Variants in SEL1L3 observed in about 807,000 individuals in gnomAD.
SEL1L3 encodes protein sel-1 homolog 3.
In SEL1L3, 76 loss-of-function variants were observed where a neutral mutation model predicts 142.8. That is an observed-to-expected ratio of 0.53 (90% CI 0.44 to 0.64). The LOEUF is 0.64. SEL1L3 is among the 30% of genes least tolerant of loss of function. The pLI, the probability that SEL1L3 is intolerant of heterozygous loss-of-function variation, is 0.00. For missense variants in SEL1L3, 1,262 were observed against 1,381.7 expected (o/e 0.91, Z 1.37); for synonymous variants, 504 against 519.6 (o/e 0.97, Z 0.41).
intron 2 of SEL1L3, among the ~76,000 whole-genome samples, chr4:25,845,013 T>C (rs1716416910): frequency 9.0e-6 from 1 of 110,702 alleles, no homozygotes; most frequent in East Asian, 2.6e-4. Context: ...GTTATTAAAA[T>C]GTAGGTTAAA....
chr4:25,739,320 G>A, the SEL1L3 span, among the ~76,000 whole-genome samples: 1 of 152,168 alleles, frequency 6.6e-6, no homozygotes, highest in Middle Eastern at 3.2e-3. Flanking sequence ...CCATAGAGAT[G>A]TTGCTAAACA....
intron 14 of SEL1L3, 149 bp downstream of exon 14, chr4:25,784,079 G>C (rs1711612960): frequency 2.9e-6 from 2 of 692,348 alleles, no homozygotes; most frequent in Admixed American, 2.2e-5. Flanking sequence ...ACTGCAGTGG[G>C]GGTGCCGTGC....
chr4:25,833,646 A>G (rs1226907896), intron 3 of SEL1L3, 77 bp from the exon 4 acceptor site: 1 of 1,307,842 alleles, frequency 7.6e-7, no homozygotes, highest in Non-Finnish European at 1.0e-6. Flanking sequence ...ACAATGACCA[A>G]GTAAATTGCT....
chr4:25,861,515 A>T (rs555311503), intron 1 of SEL1L3, among the ~76,000 whole-genome samples: 7 of 152,350 alleles, frequency 4.6e-5, no homozygotes, highest in Admixed American at 4.6e-4. Flanking sequence ...TTTCTTCAGA[A>T]TCAAATTCTA....
At chr4:25,823,994 G>A (rs558233205) in intron 6 of SEL1L3, among the ~76,000 whole-genome samples, 14 of 152,244 alleles carry the variant, frequency 9.2e-5, no homozygotes, top group African/African-American at 2.7e-4. Flanking sequence ...CAGCAACATC[G>A]AACGTCTAGA....
intron 9 of SEL1L3, among the ~76,000 whole-genome samples, chr4:25,805,897 A>G (rs527439418): frequency 1.3e-5 from 2 of 152,376 alleles, no homozygotes; most frequent in South Asian, 4.1e-4. Flanking sequence ...GTACATGTAA[A>G]TAACGTTGAT....
intron 11 of SEL1L3, among the ~76,000 whole-genome samples, chr4:25,798,806 T>A (rs1044159769): frequency 6.6e-6 from 1 of 151,564 alleles, no homozygotes; most frequent in Non-Finnish European, 1.5e-5. Flanking sequence ...CCAGCCTGGG[T>A]GATAAGAGTG....
the SEL1L3 span, among the ~76,000 whole-genome samples, chr4:25,730,173 A>C: frequency 1.3e-5 from 2 of 151,834 alleles, no homozygotes; most frequent in Non-Finnish European, 2.9e-5. Flanking sequence ...ACCTCAAGTG[A>C]CCCGCCCACC....
the SEL1L3 span, among the ~76,000 whole-genome samples, chr4:25,735,195 C>G: frequency 6.6e-6 from 1 of 152,026 alleles, no homozygotes; most frequent in Non-Finnish European, 1.5e-5. Context: ...ATAGGCTAGT[C>G]AAGCTATCTA....
At chr4:25,784,344 C>G in intron 13 of SEL1L3, 54 bp from the exon 14 acceptor site, 1 of 1,303,470 alleles carries the variant, frequency 7.7e-7, no homozygotes, top group Non-Finnish European at 1.1e-6. Flanking sequence ...AGACTGCACA[C>G]ATACAGACAC....
At chr4:25,770,774 GAAAA>G (rs1266991971) in intron 17 of SEL1L3, among the ~76,000 whole-genome samples, 25 of 144,752 alleles carry the variant, frequency 1.7e-4, no homozygotes, top group African/African-American at 6.4e-4. Flanking sequence ...GAAAAGAAAA[GAAAA>G]AAAAGAAAAA....
Position 25,749,368 on chromosome 4 carries a change from T to C in SEL1L3, c.3260-804A>G, listed in dbSNP as rs1717441759. Among the ~76,000 whole-genome samples the C allele has an allele frequency of 2.0e-5, 3 of 151,878 alleles. No individual in the cohort carries two copies. The South Asian group carries it at 6.2e-4, about 31-fold the overall frequency. On this transcript the variant is annotated intron_variant, in intron 23 of 23. Transcript: ENST00000399878. ...GATAAATCAGCAATGAGTTTTCTGA[T>C]TTAAAAAAAAAAAGTGCCAATGTGT...
chr4:25,799,156 C>G (rs996726301), intron 11 of SEL1L3, among the ~76,000 whole-genome samples: 2 of 152,134 alleles, frequency 1.3e-5, no homozygotes, highest in Non-Finnish European at 2.9e-5. Context: ...CTCACTACAG[C>G]CTCCGCCTCC....
At chr4:25,741,318 C>T in the SEL1L3 span, among the ~76,000 whole-genome samples, 61 of 152,028 alleles carry the variant, frequency 4.0e-4, no homozygotes, top group African/African-American at 1.4e-3. Flanking sequence ...CTAGGCTGGT[C>T]TCGAACTCCT....
At position 25,782,572 on chromosome 4, in the gene SEL1L3, T is replaced by G. The variant is rs143538486; in HGVS notation, c.2281-154A>C. ...ATGGCATTAAAGAAAAGCTAAGTGC[T>G]AGAAAACACAAGCCTGCCTGAGAGT... On this transcript the variant is annotated intron_variant, in intron 14 of 23. Coordinates refer to ENST00000399878, the MANE Select transcript of SEL1L3 (RefSeq NM_015187.5). 1.1e-4 allele frequency among the ~76,000 whole-genome samples: 16 copies of G among 152,288 alleles called. No individual in the cohort carries two copies. In the East Asian group the frequency reaches 3.1e-3, roughly 29 times the overall value.
At chr4:25,818,372 A>AAGAGGC in intron 8 of SEL1L3, 94 bp from the exon 9 acceptor site, 1 of 1,088,540 alleles carries the variant, frequency 9.2e-7, no homozygotes, top group African/African-American at 1.6e-5. Context: ...AACTAGAAAG[A>AAGAGGC]CTTGCCATTA....
chr4:25,764,644 T>C (rs1487757461), intron 20 of SEL1L3, among the ~76,000 whole-genome samples: 1 of 152,070 alleles, frequency 6.6e-6, no homozygotes, highest in Non-Finnish European at 1.5e-5. Context: ...ACCTGGTGAG[T>C]GAGTTTGATG....
chr4:25,790,398 T>C, intron 12 of SEL1L3, 57 bp downstream of exon 12: 1 of 1,561,996 alleles, frequency 6.4e-7, no homozygotes, highest in East Asian at 2.2e-5. Flanking sequence ...ATTACCACGG[T>C]ATAACCCAGT....
intron 2 of SEL1L3, among the ~76,000 whole-genome samples, chr4:25,836,133 T>C (rs545545137): frequency 2.0e-5 from 3 of 152,324 alleles, no homozygotes; most frequent in East Asian, 1.9e-4. Context: ...TACCTTAACA[T>C]TGGAAAGTCT....
Sources: allele counts gnomAD v4.1 joint callset (sites outside exome capture counted in the v4.1 genomes callset), GRCh38; gene constraint gnomAD v4.1.1; transcripts MANE v1.5; gene names NCBI Gene and HGNC (gene_info 2026-07-23, HGNC 2026-07-21).